OGDHL: variants seen among roughly 807,000 people sequenced by gnomAD.
OGDHL encodes oxoglutarate dehydrogenase L, also known as 2-oxoglutarate dehydrogenase-like, mitochondrial.
OGDHL carries 79 observed loss-of-function variants against 109.6 expected under a neutral mutation model. That is an observed-to-expected ratio of 0.72 (90% confidence interval 0.60 to 0.87). The LOEUF (loss-of-function observed/expected upper bound fraction) is 0.87. Ranked by LOEUF, OGDHL falls within the 40% of genes least tolerant of loss-of-function variation. OGDHL has a pLI of 0.00. For synonymous variants in OGDHL, 528 were observed against 537.2 expected (o/e 0.98, Z 0.24); for missense variants, 1,275 against 1,362.2 (o/e 0.94, Z 1.01).
chr10:49,736,708 T>A (rs540641169), intron 20 of OGDHL, among the ~76,000 whole-genome samples, 188 bp from the exon 21 acceptor site: 1 of 152,082 alleles, frequency 6.6e-6, no homozygotes, highest in Non-Finnish European at 1.5e-5. Flanking sequence ...TGAGCTGTCA[T>A]AGGGAGAGGG....
At chr10:49,759,490 G>A (rs1412231810) in intron 1 of OGDHL, among the ~76,000 whole-genome samples, 1 of 149,618 alleles carries the variant, frequency 6.7e-6, no homozygotes, top group African/African-American at 2.5e-5. Context: ...TCAGTGATGG[G>A]GGCTTTCTCT....
rs1009798271 is a variant in OGDHL at position 49,743,059 on chromosome 10, G to A, written c.1862-81C>T. ...TAGGTAGGTGCTCAGCACACACCCC[G>A]CACAAAGCAGGGCAGCCATCTGTTG... On this transcript the variant is annotated intron_variant, in intron 14 of 22. Coordinates refer to ENST00000374103, the MANE Select transcript of OGDHL (RefSeq NM_018245.3). 10 of 1,499,948 alleles carry A rather than the reference G, an allele frequency of 6.7e-6. No homozygotes were observed. In the Admixed American group the frequency reaches 7.8e-5, roughly 12 times the overall value. The allele number at this position is 1,499,948 out of a possible 1,614,324, so 92.9% of individuals were successfully genotyped here. A position where few individuals can be genotyped will look rare whatever the true frequency, so the allele number is the denominator to read the frequency against.
chr10:49,745,733 T>C (rs1842130705), intron 11 of OGDHL, 65 bp downstream of exon 11: 9 of 1,550,764 alleles, frequency 5.8e-6, no homozygotes, highest in South Asian at 3.5e-5. Flanking sequence ...GCTGATGACA[T>C]GGCTGGCTCA....
At chr10:49,745,533 A>G in intron 11 of OGDHL, 37 bp from the exon 12 acceptor site, 1 of 1,610,986 alleles carries the variant, frequency 6.2e-7, no homozygotes, top group Non-Finnish European at 8.5e-7. Flanking sequence ...GCCCTTCCCT[A>G]CGCTGTGTGG....
chr10:49,752,583 C>T (rs533850748), intron 4 of OGDHL, 55 bp downstream of exon 4: 356 of 1,475,712 alleles, frequency 2.4e-4, no homozygotes, highest in Non-Finnish European at 3.0e-4. Context: ...CCCGTGGGCC[C>T]CTTACTGGGC....
Position 49,758,504 on chromosome 10 carries a change from C to T in OGDHL, c.89G>A (p.Arg30His), listed in dbSNP as rs757087426. The T allele has an allele frequency of 1.4e-5, 22 of 1,613,724 alleles. No individual in the cohort carries two copies. The highest frequency in any genetic ancestry group is 1.1e-4 in the South Asian group (10 of 91,078). Residue 30 changes from arginine (R) to histidine (H), a missense_variant, in exon 2 of 23, where the codon CGC becomes CAC. Arg to His is a conservative substitution (Grantham distance 29, BLOSUM62 0). Coordinates refer to ENST00000374103, the MANE Select transcript of OGDHL (RefSeq NM_018245.3). Reference protein sequence around the residue: ...AAHDVPVFGWRSRSSGPPATF... With the variant: ...AAHDVPVFGWHSRSSGPPATF... ...GGCCGGTGGCCCGGAGGACCTGCTG[C>T]GCCAGCCAAACACCGGGACGTCATG... is the stretch of plus-strand genomic sequence containing the variant.
chr10:49,735,759 C>T (rs115313250), intron 22 of OGDHL, among the ~76,000 whole-genome samples: 1,859 of 152,346 alleles, frequency 0.012, 37 homozygotes, highest in African/African-American at 0.042. Flanking sequence ...TATCACCGCC[C>T]TTTGTAGAGA....
chr10:49,740,882 G>A lies in OGDHL; in HGVS notation c.2013-45C>T, dbSNP rs767601769. 34 of 1,610,168 alleles carry A rather than the reference G, an allele frequency of 2.1e-5. 2 individuals carry two copies. The highest frequency in any genetic ancestry group is 2.3e-5 in the Non-Finnish European group (27 of 1,177,980). On this transcript the variant is annotated intron_variant, in intron 15 of 22. Transcript: ENST00000374103. Reference sequence around the variant, plus strand: ...GGCAGGGACAGAGGGCAGGTGGGCTGGCACCTGTTCACCTGGAGCAGGGGA... The same window carrying A: ...GGCAGGGACAGAGGGCAGGTGGGCTAGCACCTGTTCACCTGGAGCAGGGGA...
At position 49,735,330 on chromosome 10, in the gene OGDHL, C is replaced by T. The variant is rs113014306; in HGVS notation, c.2931G>A (p.Ala977=). Residue 977 remains alanine, a synonymous_variant, in exon 23 of 23, where the codon GCG becomes GCA. Transcript: ENST00000374103. The stretch of plus-strand genomic sequence containing the variant: ...TCCTGTTTCCTGTGGCTGGTGCAGC[C>T]GCTGGGTCCCGGCCAACATACCTGG... ...RPIWYVGRDP[A]AAPATGNRNT... is the part of the protein sequence containing the mutation. 2,441 of 1,613,470 alleles carry T rather than the reference C, an allele frequency of 1.5e-3. 37 individuals are homozygous for T. The African/African-American group carries it at 0.028, about 18-fold the overall frequency.
At position 49,752,114 on chromosome 10, in the gene OGDHL, C is replaced by G. The variant is rs1364506400; in HGVS notation, c.594+19G>C. ...AAAGAGCTGCTTCAGCTGCACCCCACACACCCGCCTGTGCTCACCTCCAGG... is the reference window on the plus strand; with the variant it reads ...AAAGAGCTGCTTCAGCTGCACCCCAGACACCCGCCTGTGCTCACCTCCAGG... On this transcript the variant is annotated intron_variant, in intron 5 of 22. Transcript: ENST00000374103. 2 of 1,612,250 alleles carry G rather than the reference C, an allele frequency of 1.2e-6. No individual in the cohort carries two copies. Among genetic ancestry groups the G allele is most frequent in the East Asian group, 4.5e-5 (2 of 44,872 alleles).
intron 14 of OGDHL, 140 bp downstream of exon 14, chr10:49,743,854 G>T: frequency 9.5e-7 from 1 of 1,048,334 alleles, no homozygotes; most frequent in Non-Finnish European, 1.3e-6. Context: ...CAGACATGGT[G>T]CCGAGAGCTA....
chr10:49,758,519 G>A lies in OGDHL; in HGVS notation c.74C>T (p.Pro25Leu), dbSNP rs369109768. Residue 25 changes from proline to leucine, a missense_variant, in exon 2 of 23, where the codon CCG becomes CTG. Coordinates refer to ENST00000374103, the MANE Select transcript of OGDHL (RefSeq NM_018245.3). ...AARLLAAHDV[P>L]VFGWRSRSSG... is the part of the protein sequence containing the mutation. ...GGACCTGCTGCGCCAGCCAAACACC[G>A]GGACGTCATGTGCAGCCAGGAGCCT... 1.1e-5 allele frequency: 18 copies of A among 1,613,750 alleles called. No homozygotes were observed. The highest frequency in any genetic ancestry group is 6.6e-5 in the South Asian group (6 of 91,092).
intron 17 of OGDHL, chr10:49,739,050 C>G (rs1841438738): frequency 6.6e-6 from 1 of 152,600 alleles, no homozygotes; most frequent in African/African-American, 2.4e-5. Flanking sequence ...ACATGCCACT[C>G]AGGGATAATG....
At chr10:49,749,209 C>T (rs1025243452) in intron 8 of OGDHL, among the ~76,000 whole-genome samples, 2 of 151,876 alleles carry the variant, frequency 1.3e-5, no homozygotes, top group African/African-American at 4.8e-5. Flanking sequence ...AACCCCATCT[C>T]AAAAAGAAAA....
rs772005613 is a variant in OGDHL at position 49,735,218 on chromosome 10, T to C, written c.*10A>G. ...ACCCACAGCGAGACCTACACAGGTTTTGCCCAGCTCTAAAATGTCTTGCCC... is the reference window on the plus strand; with the variant it reads ...ACCCACAGCGAGACCTACACAGGTTCTGCCCAGCTCTAAAATGTCTTGCCC... On this transcript the variant is annotated 3_prime_UTR_variant, in exon 23 of 23. Coordinates refer to ENST00000374103, the MANE Select transcript of OGDHL (RefSeq NM_018245.3). 1.9e-5 allele frequency: 31 copies of C among 1,611,134 alleles called. No homozygotes were observed. The highest frequency in any genetic ancestry group is 2.6e-5 in the Non-Finnish European group (31 of 1,178,602).
At chr10:49,749,304 C>T (rs1789954338) in intron 8 of OGDHL, among the ~76,000 whole-genome samples, 1 of 152,172 alleles carries the variant, frequency 6.6e-6, no homozygotes, top group South Asian at 2.1e-4. Flanking sequence ...AACATTTCCT[C>T]AGCAGGTCGA....
At chr10:49,756,252 C>T (rs1842908666) in intron 3 of OGDHL, among the ~76,000 whole-genome samples, 1 of 152,166 alleles carries the variant, frequency 6.6e-6, no homozygotes, top group African/African-American at 2.4e-5. Context: ...CTGGTCAAGA[C>T]CAAAAACACA....
At chr10:49,743,778 G>A in intron 14 of OGDHL, 1 of 498,982 alleles carries the variant, frequency 2.0e-6, no homozygotes, top group Non-Finnish European at 3.5e-6. Flanking sequence ...TACCCAGCTG[G>A]GAGTGTGGCA....
Position 49,757,372 on chromosome 10 carries a change from A to G in OGDHL, c.205-426T>C, listed in dbSNP as rs117311624. The stretch of plus-strand genomic sequence containing the variant: ...TTTGCATGTGTTTTCCATAAGAACA[A>G]TGTAAAAGCGCTTTCCTCCGTGCAC... On this transcript the variant is annotated intron_variant, in intron 2 of 22. Coordinates refer to ENST00000374103, the MANE Select transcript of OGDHL (RefSeq NM_018245.3). 7.7e-4 allele frequency among the ~76,000 whole-genome samples: 118 copies of G among 152,294 alleles called. No homozygotes were observed. In the East Asian group the frequency reaches 0.021, roughly 27 times the overall value.
Sources: gnomAD v4.1 joint callset for allele counts (sites outside exome capture counted in the v4.1 genomes callset) on GRCh38, gnomAD v4.1.1 for gene constraint, MANE v1.5 for transcripts, NCBI Gene and HGNC (gene_info 2026-07-23, HGNC 2026-07-21) for gene names.